Variants in CCSER1 observed in about 807,000 individuals in gnomAD.
The protein encoded by CCSER1 is serine-rich coiled-coil domain-containing protein 1.
Under a neutral mutation model 82.0 loss-of-function variants are expected in CCSER1, and 41 were observed. The observed-to-expected ratio is 0.50, with a 90% confidence interval of 0.39 to 0.65. The LOEUF (loss-of-function observed/expected upper bound fraction) is 0.65, where lower values mean the gene tolerates loss of function less well. CCSER1 is among the 30% of genes least tolerant of loss of function. CCSER1 has a pLI of 0.00. For missense variants in CCSER1, 1,119 were observed against 1,064.2 expected, an observed-to-expected ratio of 1.05 and a Z score of -0.72; for synonymous variants, 414 against 383.9, an observed-to-expected ratio of 1.08 and a Z score of -0.92.
intron 1 of CCSER1, among the ~76,000 whole-genome samples, chr4:90,178,163 T>C (rs1359568139): frequency 6.6e-6 from 1 of 152,094 alleles, no homozygotes; most frequent in Non-Finnish European, 1.5e-5. Flanking sequence ...TAAAAATTGT[T>C]GTAGTGTGCT....
intron 9 of CCSER1, among the ~76,000 whole-genome samples, chr4:90,949,675 C>T (rs1362479377): frequency 6.6e-6 from 1 of 152,044 alleles, no homozygotes; most frequent in Non-Finnish European, 1.5e-5. Flanking sequence ...TGTTTTGTGC[C>T]AGGTATTTCT....
In CCSER1 at chr4:91,072,313, A is replaced by G. The variant is rs1460922129; in HGVS notation, c.2173-13637A>G. ...TTTTCTTTTAATTTTTGTCTGCCTC[A>G]GGAAATATTTCAATTGAATTTCACA... is the stretch of plus-strand genomic sequence containing the variant. On this transcript the variant is annotated intron_variant, in intron 9 of 10. Coordinates refer to ENST00000509176, the MANE Select transcript of CCSER1 (RefSeq NM_001145065.2). 3.3e-5 allele frequency among the ~76,000 whole-genome samples: 5 copies of G among 152,306 alleles called. No individual in the cohort carries two copies. The East Asian group carries it at 7.7e-4, about 23-fold the overall frequency.
At chr4:90,814,257 C>A (rs1338710234) in intron 7 of CCSER1, among the ~76,000 whole-genome samples, 1 of 152,180 alleles carries the variant, frequency 6.6e-6, no homozygotes, top group Non-Finnish European at 1.5e-5. Flanking sequence ...ACACAGCCCA[C>A]AAAACCATTT....
In CCSER1 at chr4:90,478,103, G is replaced by A. The variant is rs533480141; in HGVS notation, c.1724+9749G>A. Among the ~76,000 whole-genome samples, 115 of 152,228 alleles carry A rather than the reference G, an allele frequency of 7.6e-4. No individual in the cohort carries two copies. The South Asian group carries it at 0.012, about 15-fold the overall frequency. Reference sequence around the variant, plus strand: ...TAGCAACACAGTGAAATTCTAATGAGCAAAAGTCTGGGAATGCCTGTTGTA... The same window carrying A: ...TAGCAACACAGTGAAATTCTAATGAACAAAAGTCTGGGAATGCCTGTTGTA... On this transcript the variant is annotated intron_variant, in intron 5 of 10. Transcript: ENST00000509176.
chr4:91,063,024 T>A (rs906640529), intron 9 of CCSER1, among the ~76,000 whole-genome samples: 3 of 152,118 alleles, frequency 2.0e-5, no homozygotes, highest in African/African-American at 7.2e-5. Context: ...CAAATAATAT[T>A]CACATTCATA....
chr4:90,786,160 C>CGAT, intron 7 of CCSER1, among the ~76,000 whole-genome samples: 1 of 152,094 alleles, frequency 6.6e-6, no homozygotes, highest in East Asian at 1.9e-4. Context: ...GATAGAAAGA[C>CGAT]GATGGCTCCT....
intron 10 of CCSER1, among the ~76,000 whole-genome samples, chr4:91,472,426 T>C (rs1021787947): frequency 2.0e-5 from 3 of 152,204 alleles, no homozygotes; most frequent in Non-Finnish European, 4.4e-5. Flanking sequence ...TTTCCCATCG[T>C]ATCAATCAAT....
chr4:90,146,553 T>TTAAATAATAAATTAA (rs1186768884), intron 1 of CCSER1, among the ~76,000 whole-genome samples: 2 of 152,062 alleles, frequency 1.3e-5, no homozygotes, highest in African/African-American at 4.8e-5. Context: ...AAGATACACA[T>TTAAATAATAAATTAA]TAAATAATAA....
chr4:91,541,473 C>A (rs573349563), intron 10 of CCSER1, among the ~76,000 whole-genome samples: 1 of 152,066 alleles, frequency 6.6e-6, no homozygotes, highest in Non-Finnish European at 1.5e-5. Context: ...TGAGAACATG[C>A]GGTGTTTGGT....
At chr4:90,439,332 C>A (rs1444313073) in intron 4 of CCSER1, among the ~76,000 whole-genome samples, 1 of 151,908 alleles carries the variant, frequency 6.6e-6, no homozygotes, top group African/African-American at 2.4e-5. Context: ...ACAAAAAAAA[C>A]CAGCCTTAGT....
In CCSER1 at chr4:91,599,324, T is replaced by C. The variant is rs1320279999; in HGVS notation, c.*267T>C. The C allele has an allele frequency of 3.1e-6, 1 of 321,196 alleles. No homozygotes were observed. The allele number at this position is 321,196 out of a possible 1,614,324, so 19.9% of individuals were successfully genotyped here. On this transcript the variant is annotated 3_prime_UTR_variant, in exon 11 of 11. Coordinates refer to ENST00000509176, the MANE Select transcript of CCSER1 (RefSeq NM_001145065.2). ...ATAATAAATGGGACCATCATGATCG[T>C]TTATATAGTCCATAATTTATTTATT...
intron 7 of CCSER1, among the ~76,000 whole-genome samples, chr4:90,773,998 G>A (rs76510969): frequency 0.047 from 7,124 of 152,066 alleles, 228 homozygotes; most frequent in Non-Finnish European, 0.068. Flanking sequence ...CATAAGATAC[G>A]ATAAAATAAA....
chr4:90,913,964 C>T (rs983579560), intron 8 of CCSER1, among the ~76,000 whole-genome samples: 1 of 152,156 alleles, frequency 6.6e-6, no homozygotes, highest in Non-Finnish European at 1.5e-5. Context: ...TATGCATGCA[C>T]CCATTACAGG....
chr4:90,988,856 G>A (rs1309763074), intron 9 of CCSER1, among the ~76,000 whole-genome samples: 2 of 151,780 alleles, frequency 1.3e-5, no homozygotes, highest in East Asian at 1.9e-4. Context: ...GCACACATAA[G>A]TGGTCTGTTT....
At chr4:90,415,370 A>G (rs1578364707) in intron 4 of CCSER1, among the ~76,000 whole-genome samples, 1 of 152,212 alleles carries the variant, frequency 6.6e-6, no homozygotes, top group East Asian at 1.9e-4. Context: ...CCTTATAAGG[A>G]ACGTACTTAA....
At chr4:90,585,152 T>A (rs1028857098) in intron 5 of CCSER1, among the ~76,000 whole-genome samples, 3 of 152,142 alleles carry the variant, frequency 2.0e-5, no homozygotes, top group African/African-American at 7.2e-5. Flanking sequence ...TCATCAAGGA[T>A]ATAAAAATTA....
At chr4:90,904,994 C>G (rs140284645) in intron 8 of CCSER1, among the ~76,000 whole-genome samples, 33 of 152,188 alleles carry the variant, frequency 2.2e-4, no homozygotes, top group African/African-American at 7.0e-4. Flanking sequence ...CTCCCATTTG[C>G]TCAGAACAGA....
chr4:90,224,324 A>T (rs1039337291), intron 1 of CCSER1, among the ~76,000 whole-genome samples: 3 of 152,186 alleles, frequency 2.0e-5, no homozygotes, highest in African/African-American at 7.2e-5. Flanking sequence ...GTGGGGTGTC[A>T]GTATCACCTA....
intron 9 of CCSER1, among the ~76,000 whole-genome samples, chr4:90,973,135 G>A (rs1012709337): frequency 6.6e-6 from 1 of 151,570 alleles, no homozygotes; most frequent in Admixed American, 6.6e-5. Context: ...CTAAAGTACA[G>A]ACAATAAAAA....
Sources: gnomAD v4.1 joint callset for allele counts (sites outside exome capture counted in the v4.1 genomes callset) on GRCh38, gnomAD v4.1.1 for gene constraint, MANE v1.5 for transcripts, NCBI Gene and HGNC (gene_info 2026-07-23, HGNC 2026-07-21) for gene names.